The following SGCZ variants were observed in gnomAD, a reference collection of about 807,000 sequenced individuals.
SGCZ encodes the protein sarcoglycan zeta, also known as zeta-sarcoglycan.
Under a neutral mutation model 41.3 loss-of-function variants are expected in SGCZ, and 40 were observed. The ratio of observed to expected loss-of-function variants is 0.97; its 90% CI spans 0.75 to 1.26. The LOEUF (loss-of-function observed/expected upper bound fraction) is 1.26. Ranked by LOEUF, SGCZ falls within the 50% of genes most tolerant of loss-of-function variation. The pLI is 0.00. For synonymous variants in SGCZ, 206 were observed against 137.5 expected (o/e 1.50, Z -3.49); for missense variants, 552 against 369.8 (o/e 1.49, Z -4.04).
At chr8:14,945,202 A>G (rs1037930757) in intron 1 of SGCZ, among the ~76,000 whole-genome samples, 2 of 152,026 alleles carry the variant, frequency 1.3e-5, no homozygotes, top group African/African-American at 4.8e-5. Flanking sequence ...TCCTTATGAT[A>G]CATTTACAAG....
chr8:14,885,993 A>G (rs1425144966), intron 1 of SGCZ, among the ~76,000 whole-genome samples: 3 of 53,624 alleles, frequency 5.6e-5, no homozygotes, highest in Non-Finnish European at 1.2e-4. Flanking sequence ...TGTTATATAT[A>G]TATATATATA....
At chr8:14,672,647 A>T (rs1302104860) in intron 1 of SGCZ, among the ~76,000 whole-genome samples, 1 of 152,134 alleles carries the variant, frequency 6.6e-6, no homozygotes, top group Non-Finnish European at 1.5e-5. Flanking sequence ...AGCTTTTTGG[A>T]GGAAACAGTG....
At chr8:14,863,822 C>A (rs1267118679) in intron 1 of SGCZ, among the ~76,000 whole-genome samples, 1 of 152,074 alleles carries the variant, frequency 6.6e-6, no homozygotes, top group African/African-American at 2.4e-5. Flanking sequence ...GTTGTAAATG[C>A]TGGAAATACA....
At chr8:14,661,640 G>A (rs564413176) in intron 1 of SGCZ, among the ~76,000 whole-genome samples, 4 of 152,198 alleles carry the variant, frequency 2.6e-5, no homozygotes, top group East Asian at 1.9e-4. Context: ...TCTGGCTAAG[G>A]ACAGTGGGAA....
intron 1 of SGCZ, among the ~76,000 whole-genome samples, chr8:14,836,696 T>G (rs1331594348): frequency 6.6e-6 from 1 of 152,122 alleles, no homozygotes; most frequent in African/African-American, 2.4e-5. Context: ...AGACACGGTT[T>G]TACCGTGTTG....
chr8:14,625,732 G>C (rs1022587295), intron 1 of SGCZ, among the ~76,000 whole-genome samples: 1 of 152,122 alleles, frequency 6.6e-6, no homozygotes, highest in Non-Finnish European at 1.5e-5. Context: ...CACCTGGCTA[G>C]AAGTGAACAG....
chr8:14,588,315 AG>A (rs1011663303), intron 1 of SGCZ, among the ~76,000 whole-genome samples: 23 of 152,246 alleles, frequency 1.5e-4, no homozygotes, highest in Admixed American at 6.5e-4. Context: ...AATGTTGCCA[AG>A]AAAGTAATGA....
intron 1 of SGCZ, among the ~76,000 whole-genome samples, chr8:14,895,915 T>C (rs1474686386): frequency 1.3e-5 from 2 of 152,228 alleles, no homozygotes; most frequent in African/African-American, 4.8e-5. Flanking sequence ...GTATTTATAA[T>C]GTGTATATAG....
At chr8:14,980,849 G>T (rs79254456) in intron 1 of SGCZ, among the ~76,000 whole-genome samples, 2,626 of 150,688 alleles carry the variant, frequency 0.017, 51 homozygotes, top group African/African-American at 0.046. Context: ...TTAATAATCT[G>T]TCTCTCTATC....
intron 1 of SGCZ, among the ~76,000 whole-genome samples, chr8:14,942,248 T>G (rs1350145348): frequency 6.6e-6 from 1 of 152,020 alleles, no homozygotes; most frequent in African/African-American, 2.4e-5. Flanking sequence ...AAGGGAGACA[T>G]AAAATCTGAA....
At chr8:14,102,545 A>C (rs1802066449) in intron 6 of SGCZ, 46 bp from the exon 7 acceptor site, 3 of 1,311,582 alleles carry the variant, frequency 2.3e-6, no homozygotes, top group Non-Finnish European at 2.9e-6. Context: ...AAAACACAAA[A>C]AAATCATTAA....
At chr8:14,702,842 T>C (rs574426875) in intron 1 of SGCZ, among the ~76,000 whole-genome samples, 7 of 123,540 alleles carry the variant, frequency 5.7e-5, no homozygotes, top group South Asian at 3.0e-4. Flanking sequence ...GATAGATAGA[T>C]AGATAGATAG....
At chr8:14,452,895 G>C (rs973655460) in intron 2 of SGCZ, among the ~76,000 whole-genome samples, 1 of 152,072 alleles carries the variant, frequency 6.6e-6, no homozygotes, top group Admixed American at 6.6e-5. Flanking sequence ...TTGAGATCAG[G>C]AGTTTGAGAC....
chr8:14,681,580 A>G (rs1808447716), intron 1 of SGCZ, among the ~76,000 whole-genome samples: 1 of 152,206 alleles, frequency 6.6e-6, no homozygotes, highest in Non-Finnish European at 1.5e-5. Context: ...TAAAGTTATG[A>G]TGGTCTTCGA....
intron 1 of SGCZ, among the ~76,000 whole-genome samples, chr8:15,000,205 C>A (rs751240820): frequency 1.3e-4 from 20 of 152,254 alleles, no homozygotes; most frequent in Admixed American, 5.2e-4. Context: ...AGGAAACCAA[C>A]CCTGCCCAGC....
At chr8:15,203,784 G>A (rs1800972231) in intron 1 of SGCZ, among the ~76,000 whole-genome samples, 1 of 151,930 alleles carries the variant, frequency 6.6e-6, no homozygotes, top group Admixed American at 6.6e-5. Context: ...GTCCATCAAA[G>A]GAAATATCCA....
intron 1 of SGCZ, among the ~76,000 whole-genome samples, chr8:14,725,885 A>AT (rs1810031973): frequency 6.6e-6 from 1 of 152,218 alleles, no homozygotes; most frequent in African/African-American, 2.4e-5. Flanking sequence ...AAAAAAGTAG[A>AT]TATGTTACAA....
chr8:14,664,141 A>G (rs1807836002), intron 1 of SGCZ, among the ~76,000 whole-genome samples: 2 of 152,186 alleles, frequency 1.3e-5, no homozygotes, highest in South Asian at 4.1e-4. Flanking sequence ...AATTCTGAAA[A>G]TCTGAAGTCA....
rs1352259220 is a variant in SGCZ, at chr8:14,492,643, A to G, written c.234+62089T>C. On this transcript the variant is annotated intron_variant, in intron 2 of 7. Transcript: ENST00000382080. ...CTCACTAACTTTTCTTGAGTCTAGT[A>G]CAAGTACTGATCTCAAGGCCACTGC... 2.0e-5 allele frequency among the ~76,000 whole-genome samples: 3 copies of G among 152,134 alleles called. No homozygotes were observed. The East Asian group carries it at 5.8e-4, about 29-fold the overall frequency.
Sources: allele counts gnomAD v4.1 joint callset (sites outside exome capture counted in the v4.1 genomes callset), GRCh38; gene constraint gnomAD v4.1.1; transcripts MANE v1.5; gene names NCBI Gene and HGNC (gene_info 2026-07-23, HGNC 2026-07-21).